FREM1: variants seen among roughly 807,000 people sequenced by gnomAD.
The protein encoded by FREM1 is FRAS1 related extracellular matrix 1.
In FREM1, 220 loss-of-function variants were observed where a neutral mutation model predicts 210.1. The observed-to-expected ratio is 1.05, with a 90% CI of 0.94 to 1.17. The LOEUF (loss-of-function observed/expected upper bound fraction) is 1.17, where lower values mean the gene tolerates loss of function less well. Ranked by LOEUF, FREM1 falls within the 50% of genes most tolerant of loss-of-function variation. The pLI is 0.00. For missense variants in FREM1, 3,454 were observed against 2,675.5 expected (o/e 1.29, Z -6.42); for synonymous variants, 1,189 against 980.2 (o/e 1.21, Z -3.98).
Position 14,869,061 on chromosome 9 carries a change from G to T in FREM1, c.-84C>A. 1.1e-6 allele frequency: 1 copy of T among 912,752 alleles called. No homozygotes were observed. 56.5% of individuals were successfully genotyped at this position (912,752 alleles called of 1,614,324 possible). On this transcript the variant is annotated 5_prime_UTR_variant, in exon 2 of 37. In the 5' UTR this introduces an upstream ATG that the reference lacks. Transcript: ENST00000380880. ...TTCTGTGCTTCCTCCTGGAGGGTCA[G>T]CTCATAGTCCAAGGGGCAGGGTGAG...
chr9:14,789,148 G>A (rs1461784248), intron 22 of FREM1, 34 bp from the exon 23 acceptor site: 1 of 1,460,784 alleles, frequency 6.8e-7, no homozygotes, highest in African/African-American at 1.4e-5. Flanking sequence ...GCTGCTCATG[G>A]TTTTTTCTTT....
rs1040945985 is a variant in FREM1 at position 14,845,971 on chromosome 9, A to C, written c.1382T>G (p.Leu461Arg). 9 of 1,613,500 alleles carry C rather than the reference A, an allele frequency of 5.6e-6. No individual in the cohort carries two copies. The Admixed American group carries it at 1.5e-4, about 27-fold the overall frequency. ...VTVGGLQHGWLTLRGGKGFLF... is the reference protein window; with the variant it reads ...VTVGGLQHGWRTLRGGKGFLF... The stretch of plus-strand genomic sequence containing the variant: ...GTTGGATCATTCACCTCTTAAAGTC[A>C]GCCATCCATGCTGCAGGCCACCAAC... Residue 461 changes from leucine to arginine, a missense_variant, in exon 8 of 37, where the codon CTG (leucine) becomes CGG (arginine). Coordinates refer to ENST00000380880, the MANE Select transcript of FREM1 (RefSeq NM_001379081.2).
chr9:14,768,739 G>C (rs1216196418), intron 27 of FREM1, among the ~76,000 whole-genome samples: 1 of 152,088 alleles, frequency 6.6e-6, no homozygotes, highest in Non-Finnish European at 1.5e-5. Context: ...CTACAATTCA[G>C]GATCCAAAAG....
chr9:14,767,524 T>A (rs1172205086), intron 27 of FREM1, among the ~76,000 whole-genome samples: 1 of 152,190 alleles, frequency 6.6e-6, no homozygotes, highest in African/African-American at 2.4e-5. Context: ...GGTACCTGAC[T>A]CATAGGTGGT....
In FREM1 at chr9:14,875,951, G is replaced by T. The variant is rs553426667; in HGVS notation, c.-267-6707C>A. Reference sequence around the variant, plus strand: ...TTGCTAGAGGTCCACTCTAGACCCTGTTTGCCTGGGTATCCACAGCAGTGG... The same window carrying T: ...TTGCTAGAGGTCCACTCTAGACCCTTTTTGCCTGGGTATCCACAGCAGTGG... On this transcript the variant is annotated intron_variant, in intron 1 of 36. Transcript: ENST00000380880. Among the ~76,000 whole-genome samples, 3 of 152,238 alleles carry T rather than the reference G, an allele frequency of 2.0e-5. No individual in the cohort carries two copies. In the East Asian group the frequency reaches 5.8e-4, roughly 29 times the overall value.
chr9:14,748,136 C>G (rs1842783397), intron 31 of FREM1, among the ~76,000 whole-genome samples: 1 of 152,152 alleles, frequency 6.6e-6, no homozygotes, highest in South Asian at 2.1e-4. Context: ...GGATCATTCC[C>G]TATTTGTCTT....
intron 36 of FREM1, among the ~76,000 whole-genome samples, chr9:14,739,921 G>A (rs1563803325): frequency 1.3e-5 from 2 of 152,006 alleles, no homozygotes; most frequent in African/African-American, 4.8e-5. Context: ...CTGTCAATCT[G>A]ACCACATTCC....
chr9:14,891,799 A>G (rs1023699154), intron 1 of FREM1, among the ~76,000 whole-genome samples: 1 of 152,202 alleles, frequency 6.6e-6, no homozygotes, highest in Non-Finnish European at 1.5e-5. Flanking sequence ...ATCAACAAGT[A>G]GGTGTTATGT....
At chr9:14,895,004 G>A (rs565763530) in intron 1 of FREM1, among the ~76,000 whole-genome samples, 2 of 152,308 alleles carry the variant, frequency 1.3e-5, no homozygotes, top group Admixed American at 6.5e-5. Context: ...TTTCTGTACA[G>A]GGTTCCTGAC....
intron 27 of FREM1, among the ~76,000 whole-genome samples, chr9:14,764,131 T>C (rs372924341): frequency 3.9e-5 from 6 of 152,342 alleles, no homozygotes; most frequent in Admixed American, 2.0e-4. Context: ...CGAGATCTGA[T>C]GACTTTACGA....
intron 29 of FREM1, among the ~76,000 whole-genome samples, chr9:14,754,415 C>T (rs745581768): frequency 4.6e-5 from 7 of 152,168 alleles, no homozygotes; most frequent in Non-Finnish European, 8.8e-5. Flanking sequence ...AGAATGTTAA[C>T]TATCACAGGA....
chr9:14,766,949 T>C (rs555166431), intron 27 of FREM1, among the ~76,000 whole-genome samples: 1 of 152,348 alleles, frequency 6.6e-6, no homozygotes, highest in East Asian at 1.9e-4. Context: ...CAGTCAATTA[T>C]TGTACCTACA....
intron 19 of FREM1, among the ~76,000 whole-genome samples, chr9:14,804,356 C>T (rs138596396): frequency 0.031 from 4,793 of 152,184 alleles, 95 homozygotes; most frequent in Non-Finnish European, 0.037. Context: ...AAGGCCGAGG[C>T]GGGCGGATCA....
chr9:14,842,364 G>C lies in FREM1; in HGVS notation c.1690C>G (p.Pro564Ala). ...TTCATGATCTCCCCAGCCTGTGGAG[G>C]CTTTGTGATATTGAAGAAGATGTAG... is the stretch of plus-strand genomic sequence containing the variant. ...DDYIFFNITK[P>A]PQAGEIMKKP... The change falls in exon 9 of 37, where the codon CCT (proline) becomes GCT (alanine). Residue 564 changes from proline to alanine, a missense_variant. Transcript: ENST00000380880. 6.2e-7 allele frequency: 1 copy of C among 1,609,124 alleles called. No homozygotes were observed. Among genetic ancestry groups the C allele is most frequent in the Non-Finnish European group, 8.5e-7 (1 of 1,176,378 alleles).
At chr9:14,778,410 A>G (rs868737095) in intron 24 of FREM1, among the ~76,000 whole-genome samples, 3 of 151,366 alleles carry the variant, frequency 2.0e-5, no homozygotes, top group East Asian at 1.9e-4. Context: ...CAGGAGTTCA[A>G]TATCAGCCTG....
At chr9:14,765,310 C>T (rs193201217) in intron 27 of FREM1, among the ~76,000 whole-genome samples, 117 of 152,266 alleles carry the variant, frequency 7.7e-4, no homozygotes, top group Middle Eastern at 3.4e-3. Context: ...GCATAGTGTG[C>T]ACCCAAAACA....
chr9:14,795,438 A>G (rs1296899662), intron 21 of FREM1, among the ~76,000 whole-genome samples: 1 of 152,346 alleles, frequency 6.6e-6, no homozygotes, highest in Non-Finnish European at 1.5e-5. Flanking sequence ...GAAAAGGGAG[A>G]GACTGAAGAT....
At chr9:14,797,038 A>T (rs1852543483) in intron 21 of FREM1, among the ~76,000 whole-genome samples, 1 of 152,230 alleles carries the variant, frequency 6.6e-6, no homozygotes, top group African/African-American at 2.4e-5. Context: ...TACCAAGATA[A>T]TGAAAGAAGT....
chr9:14,816,795 A>C lies in FREM1; in HGVS notation c.2623T>G (p.Phe875Val). 1 of 1,428,192 alleles carries C rather than the reference A, an allele frequency of 7.0e-7. No homozygotes were observed. The highest frequency in any genetic ancestry group is 9.4e-7 in the Non-Finnish European group (1 of 1,063,262). 88.5% of individuals were successfully genotyped at this position (1,428,192 alleles called of 1,614,324 possible). A position where few individuals can be genotyped will look rare whatever the true frequency, so the allele number is the denominator to read the frequency against. ...EVTDGTNSAE[F>V]VLHVEVFPVN... is the part of the protein sequence containing the mutation. Reference sequence around the variant, plus strand: ...CTACCCACCTCAACATGTAGTACAAATTCTGCTGAATTTGTGCCATCGGTG... The same window carrying C: ...CTACCCACCTCAACATGTAGTACAACTTCTGCTGAATTTGTGCCATCGGTG... The change falls in exon 15 of 37, where the codon TTT becomes GTT. Residue 875 changes from phenylalanine to valine, a missense_variant. Physicochemically the swap from Phe to Val is conservative, Grantham distance 50. Coordinates refer to ENST00000380880, the MANE Select transcript of FREM1 (RefSeq NM_001379081.2).
Sources: gnomAD v4.1 joint callset for allele counts (sites outside exome capture counted in the v4.1 genomes callset) on GRCh38, gnomAD v4.1.1 for gene constraint, MANE v1.5 for transcripts, NCBI Gene and HGNC (gene_info 2026-07-23, HGNC 2026-07-21) for gene names.